Variants in NTM observed in about 807,000 individuals in gnomAD.
The protein encoded by NTM is IgLON family member 2.
Under a neutral mutation model 42.1 loss-of-function variants are expected in NTM, and 13 were observed. The ratio of observed to expected loss-of-function variants is 0.31; its 90% CI spans 0.20 to 0.49. The LOEUF is 0.49. Among genes scored for constraint, NTM ranks in the 20% least tolerant of loss-of-function variants. The probability of loss-of-function intolerance (pLI) is 0.99; values close to 1 mark genes in which losing one functional copy is unlikely to be tolerated. For synonymous variants in NTM, 187 were observed against 179.2 expected (o/e 1.04, Z -0.35); for missense variants, 373 against 452.8 (o/e 0.82, Z 1.60).
chr11:131,511,005 G>T (rs912793178), intron 1 of NTM, among the ~76,000 whole-genome samples: 1 of 152,208 alleles, frequency 6.6e-6, no homozygotes, highest in Non-Finnish European at 1.5e-5. Flanking sequence ...TTAAAGTGCG[G>T]TTTGAGGAAG....
At chr11:131,915,443 G>A (rs1307677439) in intron 2 of NTM, among the ~76,000 whole-genome samples, 2 of 152,198 alleles carry the variant, frequency 1.3e-5, no homozygotes, top group South Asian at 2.1e-4. Context: ...ACTGTGTGCT[G>A]GCAGATGCTT....
intron 4 of NTM, among the ~76,000 whole-genome samples, chr11:132,245,027 C>T (rs143445945): frequency 6.6e-6 from 1 of 152,310 alleles, no homozygotes; most frequent in East Asian, 1.9e-4. Context: ...TTTTCATTTC[C>T]AGTTGAATGT....
At chr11:131,618,751 C>T (rs1458882221) in intron 1 of NTM, among the ~76,000 whole-genome samples, 1 of 152,192 alleles carries the variant, frequency 6.6e-6, no homozygotes, top group Non-Finnish European at 1.5e-5. Context: ...CCAACGTGTT[C>T]TGGAAGCAGA....
At chr11:132,214,799 A>G (rs913909992) in intron 4 of NTM, among the ~76,000 whole-genome samples, 9 of 152,160 alleles carry the variant, frequency 5.9e-5, no homozygotes, top group Admixed American at 3.3e-4. Flanking sequence ...TGCTATGGAA[A>G]CAGAAGATGG....
At chr11:131,613,366 A>T (rs899912758) in intron 1 of NTM, among the ~76,000 whole-genome samples, 2 of 151,988 alleles carry the variant, frequency 1.3e-5, no homozygotes. Context: ...TTTTACAGTT[A>T]TTCCAAAGCC....
At chr11:132,132,096 C>G (rs905764218) in intron 2 of NTM, among the ~76,000 whole-genome samples, 2 of 148,420 alleles carry the variant, frequency 1.3e-5, no homozygotes, top group Admixed American at 6.6e-5. Flanking sequence ...CCAGCTGATG[C>G]AGTTCAAGTG....
At chr11:131,499,069 C>A (rs914833357) in intron 1 of NTM, among the ~76,000 whole-genome samples, 1 of 152,110 alleles carries the variant, frequency 6.6e-6, no homozygotes, top group Non-Finnish European at 1.5e-5. Flanking sequence ...TCGCGTTAAA[C>A]AATAAAGCAC....
At chr11:132,190,371 C>T (rs537261324) in intron 3 of NTM, among the ~76,000 whole-genome samples, 14 of 152,228 alleles carry the variant, frequency 9.2e-5, no homozygotes, top group African/African-American at 3.4e-4. Context: ...ATATGTGACA[C>T]TCTGGATAAA....
chr11:132,299,694 G>C (rs1304155354), intron 4 of NTM, among the ~76,000 whole-genome samples: 2 of 152,184 alleles, frequency 1.3e-5, no homozygotes, highest in African/African-American at 2.4e-5. Flanking sequence ...CCATTTCCCA[G>C]AGTTGGGCTC....
At chr11:131,443,190 A>G (rs1484514206) in intron 1 of NTM, among the ~76,000 whole-genome samples, 1 of 152,214 alleles carries the variant, frequency 6.6e-6, no homozygotes, top group African/African-American at 2.4e-5. Context: ...AAAGAGAGAT[A>G]CAATGAGTAA....
intron 1 of NTM, among the ~76,000 whole-genome samples, chr11:131,842,340 C>T (rs2044363376): frequency 6.6e-6 from 1 of 152,192 alleles, no homozygotes; most frequent in African/African-American, 2.4e-5. Context: ...CCTATTAAAA[C>T]ATTTTGAGTT....
At chr11:131,884,914 C>G (rs2050144866) in intron 1 of NTM, among the ~76,000 whole-genome samples, 1 of 152,204 alleles carries the variant, frequency 6.6e-6, no homozygotes, top group Non-Finnish European at 1.5e-5. Flanking sequence ...TCAACCTTCA[C>G]AGCATACCAT....
intron 1 of NTM, among the ~76,000 whole-genome samples, chr11:131,860,432 G>A (rs1487545599): frequency 6.6e-6 from 1 of 152,144 alleles, no homozygotes; most frequent in African/African-American, 2.4e-5. Flanking sequence ...CCACAAAAAT[G>A]CAGCAAAACA....
At chr11:132,199,568 G>C (rs2080836875) in intron 3 of NTM, among the ~76,000 whole-genome samples, 1 of 152,150 alleles carries the variant, frequency 6.6e-6, no homozygotes, top group Non-Finnish European at 1.5e-5. Context: ...TGTATCCATA[G>C]ATAGGGGAGA....
At chr11:132,000,218 C>G (rs1199289337) in intron 2 of NTM, among the ~76,000 whole-genome samples, 2 of 152,154 alleles carry the variant, frequency 1.3e-5, no homozygotes, top group Non-Finnish European at 2.9e-5. Flanking sequence ...GCTCTGATTT[C>G]TAGGCTGAGC....
At chr11:131,390,326 G>A (rs772823604) in intron 1 of NTM, among the ~76,000 whole-genome samples, 2 of 152,072 alleles carry the variant, frequency 1.3e-5, no homozygotes, top group African/African-American at 2.4e-5. Context: ...CCCACGACCC[G>A]AACACCTCCC....
chr11:131,701,924 C>T (rs551463007), intron 1 of NTM, among the ~76,000 whole-genome samples: 1 of 152,284 alleles, frequency 6.6e-6, no homozygotes, highest in Non-Finnish European at 1.5e-5. Context: ...ATGGCAATAG[C>T]AGAGCATTAA....
At chr11:132,228,079 C>A (rs914351506) in intron 4 of NTM, among the ~76,000 whole-genome samples, 2 of 152,192 alleles carry the variant, frequency 1.3e-5, no homozygotes, top group African/African-American at 4.8e-5. Context: ...GAAGCCACCC[C>A]TCTGGCCCAC....
intron 1 of NTM, among the ~76,000 whole-genome samples, chr11:131,613,918 C>T (rs1349812055): frequency 1.3e-5 from 2 of 152,210 alleles, no homozygotes; most frequent in Non-Finnish European, 1.5e-5. Flanking sequence ...TCCTGGCTTC[C>T]TCCTACTCCC....
Sources: allele counts gnomAD v4.1 joint callset (sites outside exome capture counted in the v4.1 genomes callset), GRCh38; gene constraint gnomAD v4.1.1; transcripts MANE v1.5; gene names NCBI Gene and HGNC (gene_info 2026-07-23, HGNC 2026-07-21).